ILRUN: variants seen among roughly 807,000 people sequenced by gnomAD.
ILRUN encodes the protein protein ILRUN.
Under a neutral mutation model 33.8 loss-of-function variants are expected in ILRUN, and 3 were observed. The ratio of observed to expected loss-of-function variants is 0.09; its 90% CI spans 0.04 to 0.23. The LOEUF is 0.23. Ranked by LOEUF, ILRUN falls within the 10% of genes least tolerant of loss-of-function variation. ILRUN has a pLI of 1.00. For missense variants in ILRUN, 210 were observed against 375.1 expected, an observed-to-expected ratio of 0.56 and a Z score of 3.64; for synonymous variants, 124 against 138.9, an observed-to-expected ratio of 0.89 and a Z score of 0.75.
chr6:34,590,487 C>G lies in ILRUN; in HGVS notation c.*78G>C. 1 of 1,606,722 alleles carries G rather than the reference C, an allele frequency of 6.2e-7. No individual in the cohort carries two copies. The highest frequency in any genetic ancestry group is 1.7e-5 in the Admixed American group (1 of 59,570). Reference sequence around the variant, plus strand: ...GGGTCTGTGCGATGTGGTCTGCAATCCAGAGGAACCCCTTGCCCTAACCCC... The same window carrying G: ...GGGTCTGTGCGATGTGGTCTGCAATGCAGAGGAACCCCTTGCCCTAACCCC... On this transcript the variant is annotated 3_prime_UTR_variant, in exon 5 of 5. Transcript: ENST00000374023.
chr6:34,654,877 C>G (rs572748419), intron 1 of ILRUN, 98 bp from the exon 2 acceptor site: 12 of 1,225,596 alleles, frequency 9.8e-6, no homozygotes, highest in Non-Finnish European at 1.3e-5. Context: ...GGGTTTGTCA[C>G]AGAACCTGAG....
chr6:34,661,756 A>G (rs1404544685), intron 1 of ILRUN, among the ~76,000 whole-genome samples: 1 of 152,222 alleles, frequency 6.6e-6, no homozygotes, highest in Non-Finnish European at 1.5e-5. Flanking sequence ...CTTTCAACAT[A>G]ATAGGTCCAA....
chr6:34,664,388 C>A (rs1762954009), intron 1 of ILRUN, among the ~76,000 whole-genome samples: 1 of 151,990 alleles, frequency 6.6e-6, no homozygotes, highest in Non-Finnish European at 1.5e-5. Flanking sequence ...CCAGGCTGGT[C>A]TCAAACTCCT....
chr6:34,619,985 C>CAAA (rs1216649224), intron 3 of ILRUN, among the ~76,000 whole-genome samples: 1 of 75,896 alleles, frequency 1.3e-5, no homozygotes, highest in Non-Finnish European at 2.8e-5. Context: ...ACTCTGTCTC[C>CAAA]AAAAAAAAAA....
chr6:34,636,132 C>T (rs1762363677), intron 3 of ILRUN, among the ~76,000 whole-genome samples: 2 of 152,264 alleles, frequency 1.3e-5, no homozygotes. Context: ...TAGGTAGTCC[C>T]AGCTACTTGT....
chr6:34,678,205 AATTTTTGT>A (rs1763280366), intron 1 of ILRUN, among the ~76,000 whole-genome samples: 1 of 151,838 alleles, frequency 6.6e-6, no homozygotes, highest in African/African-American at 2.4e-5. Flanking sequence ...AGGCCCGGCT[AATTTTTGT>A]ATTTTTTAGT....
chr6:34,687,540 CA>C (rs1249178200), intron 1 of ILRUN, among the ~76,000 whole-genome samples: 3 of 149,984 alleles, frequency 2.0e-5, no homozygotes, highest in Admixed American at 6.7e-5. Flanking sequence ...ACTAAAAATA[CA>C]AAAAAAATTA....
chr6:34,654,427 ATTC>A (rs1242921788), intron 2 of ILRUN, among the ~76,000 whole-genome samples, 195 bp downstream of exon 2: 4 of 152,224 alleles, frequency 2.6e-5, no homozygotes, highest in Non-Finnish European at 1.5e-5. Context: ...TGAGACATAA[ATTC>A]TTCTTCCTAC....
rs1562015990 is a variant in ILRUN at position 34,646,277 on chromosome 6, A to G, written c.511+324T>C. Among the ~76,000 whole-genome samples the G allele has an allele frequency of 6.6e-6, 1 of 152,202 alleles. No homozygotes were observed. Among genetic ancestry groups the G allele is most frequent in the Non-Finnish European group, 1.5e-5 (1 of 68,034 alleles). On this transcript the variant is annotated intron_variant, in intron 3 of 4. Coordinates refer to ENST00000374023, the MANE Select transcript of ILRUN (RefSeq NM_024294.4). This position sits in a 1 kb window ranked among gnomAD's most constrained non-coding sequence, Gnocchi z 4.9. ...TCTGTTTTATATGACTTGTGTCTAG[A>G]GACTTTGAGAACAAGGACTGCCTTT...
At chr6:34,642,024 C>A (rs961826337) in intron 3 of ILRUN, among the ~76,000 whole-genome samples, 1 of 152,238 alleles carries the variant, frequency 6.6e-6, no homozygotes, top group African/African-American at 2.4e-5. Flanking sequence ...TTAAAAAAAA[C>A]TCCTCACTAT....
At chr6:34,673,271 G>A (rs1763153585) in intron 1 of ILRUN, among the ~76,000 whole-genome samples, 2 of 152,182 alleles carry the variant, frequency 1.3e-5, no homozygotes, top group Non-Finnish European at 2.9e-5. Context: ...CCCCAGGGGT[G>A]AGATCTGTGC....
In ILRUN at chr6:34,694,114, TTTAAG is replaced by T. The variant is rs776244082; in HGVS notation, c.158+2327_158+2331del. 5.9e-5 allele frequency among the ~76,000 whole-genome samples: 9 copies of T among 152,188 alleles called. No homozygotes were observed. The South Asian group carries it at 6.2e-4, about 11-fold the overall frequency. On this transcript the variant is annotated intron_variant, in intron 1 of 4. Coordinates refer to ENST00000374023, the MANE Select transcript of ILRUN (RefSeq NM_024294.4). ...TGCTGGGATTATAGGCGTGCAGCCTTTTAAGTTATTTTTTTTCTTATCCACACTGG... is the reference window on the plus strand; with the variant it reads ...TGCTGGGATTATAGGCGTGCAGCCTTTTATTTTTTTTCTTATCCACACTGG...
intron 2 of ILRUN, among the ~76,000 whole-genome samples, chr6:34,647,399 G>T (rs1454901379): frequency 6.6e-6 from 1 of 152,146 alleles, no homozygotes; most frequent in Non-Finnish European, 1.5e-5. Flanking sequence ...TAGACCTTGG[G>T]TGGTAGTGAA....
chr6:34,591,990 T>C (rs555068029), intron 4 of ILRUN, among the ~76,000 whole-genome samples: 2 of 152,252 alleles, frequency 1.3e-5, no homozygotes, highest in Admixed American at 1.3e-4. Flanking sequence ...CTTCCCCTTA[T>C]AAGAAAGACA....
chr6:34,678,025 A>G (rs1354949702), intron 1 of ILRUN, among the ~76,000 whole-genome samples: 1 of 150,222 alleles, frequency 6.7e-6, no homozygotes, highest in Non-Finnish European at 1.5e-5. Context: ...GACATATTTA[A>G]TATTACCTAA....
At chr6:34,651,257 C>T (rs1762662480) in intron 2 of ILRUN, among the ~76,000 whole-genome samples, 1 of 152,140 alleles carries the variant, frequency 6.6e-6, no homozygotes, top group Non-Finnish European at 1.5e-5. Flanking sequence ...GCAACTGCTA[C>T]CTAACCTTTC....
intron 1 of ILRUN, among the ~76,000 whole-genome samples, chr6:34,655,160 A>AAG (rs1562020011): frequency 6.6e-6 from 1 of 152,136 alleles, no homozygotes; most frequent in Admixed American, 6.6e-5. Context: ...TATTAAAAAA[A>AAG]AGAGAGAGAG....
chr6:34,671,544 T>A (rs903483961), intron 1 of ILRUN, among the ~76,000 whole-genome samples: 4 of 152,360 alleles, frequency 2.6e-5, no homozygotes, highest in African/African-American at 9.6e-5. Flanking sequence ...TAGAACTTAA[T>A]GGATCATTCA....
At chr6:34,596,902 T>C (rs772957467) in intron 4 of ILRUN, among the ~76,000 whole-genome samples, 5 of 152,188 alleles carry the variant, frequency 3.3e-5, no homozygotes, top group Non-Finnish European at 5.9e-5. Flanking sequence ...TACAGTCCTG[T>C]TGAGGAACTT....
Sources: allele counts gnomAD v4.1 joint callset (sites outside exome capture counted in the v4.1 genomes callset), GRCh38; gene constraint gnomAD v4.1.1; non-coding constraint Gnocchi (gnomAD v3.1); transcripts MANE v1.5; gene names NCBI Gene and HGNC (gene_info 2026-07-23, HGNC 2026-07-21).